Variants in PARD3 observed in about 807,000 individuals in gnomAD.
The protein encoded by PARD3 is partitioning defective 3 homolog.
A neutral mutation model predicts 155.4 loss-of-function variants in PARD3; 75 were observed. The ratio of observed to expected loss-of-function variants is 0.48; its 90% confidence interval spans 0.40 to 0.58. PARD3 has a LOEUF of 0.58. Ranked by LOEUF, PARD3 falls within the 20% of genes least tolerant of loss-of-function variation. The pLI, the probability that PARD3 is intolerant of heterozygous loss-of-function variation, is 0.00. For synonymous variants in PARD3, 576 were observed against 610.5 expected, an observed-to-expected ratio of 0.94 and a Z score of 0.83; for missense variants, 1,642 against 1,721.7, an observed-to-expected ratio of 0.95 and a Z score of 0.82.
At chr10:34,769,949 C>G (rs9418116) in intron 1 of PARD3, among the ~76,000 whole-genome samples, 43,433 of 151,890 alleles carry the variant, frequency 0.29, 6,532 homozygotes, top group East Asian at 0.54. Context: ...GTGGGGTTCC[C>G]CTTCTCTAGT....
At chr10:34,800,025 G>A (rs1359579048) in intron 1 of PARD3, among the ~76,000 whole-genome samples, 1 of 152,030 alleles carries the variant, frequency 6.6e-6, no homozygotes, top group African/African-American at 2.4e-5. Context: ...AGCTACTCGG[G>A]AGGCTGAGGC....
chr10:34,807,414 C>A (rs1272276124), intron 1 of PARD3, among the ~76,000 whole-genome samples: 1 of 152,186 alleles, frequency 6.6e-6, no homozygotes, highest in Non-Finnish European at 1.5e-5. Context: ...TAAACTCCAT[C>A]CATTGAAAGT....
chr10:34,537,612 C>T (rs2083312003), intron 2 of PARD3, among the ~76,000 whole-genome samples: 1 of 152,112 alleles, frequency 6.6e-6, no homozygotes, highest in African/African-American at 2.4e-5. Flanking sequence ...CTTAATGCCC[C>T]AAGAACTGGA....
intron 19 of PARD3, among the ~76,000 whole-genome samples, chr10:34,327,592 T>C (rs539696894): frequency 1.2e-4 from 19 of 152,162 alleles, no homozygotes; most frequent in Non-Finnish European, 2.5e-4. Flanking sequence ...CACATGATGA[T>C]AGAAATCAGA....
intron 20 of PARD3, among the ~76,000 whole-genome samples, chr10:34,302,835 G>A (rs1957216194): frequency 6.6e-6 from 1 of 152,034 alleles, no homozygotes; most frequent in Admixed American, 6.6e-5. Context: ...GTCTGCGCTA[G>A]GCCCATTTGT....
chr10:34,509,250 C>A (rs1158247485), intron 3 of PARD3, among the ~76,000 whole-genome samples: 1 of 152,058 alleles, frequency 6.6e-6, no homozygotes, highest in East Asian at 1.9e-4. Flanking sequence ...TGGGAGCATG[C>A]AAAGACCTTC....
intron 2 of PARD3, among the ~76,000 whole-genome samples, chr10:34,612,917 G>A (rs940372072): frequency 1.3e-5 from 2 of 152,150 alleles, no homozygotes; most frequent in African/African-American, 2.4e-5. Flanking sequence ...AATAATGCTA[G>A]TTACTGTTTC....
intron 2 of PARD3, among the ~76,000 whole-genome samples, chr10:34,552,975 G>A (rs546081184): frequency 2.6e-5 from 4 of 152,124 alleles, no homozygotes; most frequent in Non-Finnish European, 5.9e-5. Context: ...AAGTGACTTC[G>A]TCCTTAGATG....
intron 1 of PARD3, among the ~76,000 whole-genome samples, chr10:34,792,084 T>C (rs1438054337): frequency 6.6e-6 from 1 of 152,098 alleles, no homozygotes; most frequent in Non-Finnish European, 1.5e-5. Flanking sequence ...CTTGCTCAGA[T>C]ATGCGCCCTG....
chr10:34,151,662 TA>T (rs1047496325), intron 22 of PARD3, among the ~76,000 whole-genome samples: 36 of 152,106 alleles, frequency 2.4e-4, no homozygotes, highest in African/African-American at 8.7e-4. Flanking sequence ...AGCTTCAATT[TA>T]AAAAAATACA....
At chr10:34,537,309 T>C (rs952875070) in intron 2 of PARD3, among the ~76,000 whole-genome samples, 1 of 152,260 alleles carries the variant, frequency 6.6e-6, no homozygotes, top group Non-Finnish European at 1.5e-5. Flanking sequence ...TTCTAACTTT[T>C]TGATTCCTTC....
At chr10:34,329,804 T>C (rs2134220531) in intron 19 of PARD3, among the ~76,000 whole-genome samples, 1 of 152,296 alleles carries the variant, frequency 6.6e-6, no homozygotes, top group East Asian at 1.9e-4. Flanking sequence ...AGTGTAGCAA[T>C]CCTCTAAGTT....
chr10:34,749,660 T>C (rs1835742708), intron 1 of PARD3, among the ~76,000 whole-genome samples: 1 of 152,134 alleles, frequency 6.6e-6, no homozygotes, highest in Non-Finnish European at 1.5e-5. Flanking sequence ...TTAATATGTA[T>C]TGCCGGATAT....
chr10:34,525,513 C>T (rs1457371702), intron 2 of PARD3, among the ~76,000 whole-genome samples: 1 of 152,216 alleles, frequency 6.6e-6, no homozygotes, highest in East Asian at 1.9e-4. Context: ...AGCCTTGCCA[C>T]TCTGCCAACC....
At chr10:34,285,566 A>T (rs1956345289) in intron 20 of PARD3, among the ~76,000 whole-genome samples, 1 of 151,166 alleles carries the variant, frequency 6.6e-6, no homozygotes, top group Admixed American at 6.6e-5. Flanking sequence ...AAAGAGGGAG[A>T]CCTTATTTCA....
At chr10:34,813,746 A>C (rs889244770) in intron 1 of PARD3, among the ~76,000 whole-genome samples, 1 of 152,222 alleles carries the variant, frequency 6.6e-6, no homozygotes, top group Non-Finnish European at 1.5e-5. Context: ...GGGCTGACCA[A>C]GCCACTTTCC....
At chr10:34,800,631 A>G (rs1227510898) in intron 1 of PARD3, among the ~76,000 whole-genome samples, 12 of 152,082 alleles carry the variant, frequency 7.9e-5, no homozygotes, top group Admixed American at 7.9e-4. Context: ...AAAATAAAAA[A>G]TAATAATGGT....
chr10:34,403,647 TTTGA>T (rs1366627146), intron 5 of PARD3, among the ~76,000 whole-genome samples: 2 of 152,314 alleles, frequency 1.3e-5, no homozygotes, highest in Non-Finnish European at 2.9e-5. Flanking sequence ...AGCCAGGCTA[TTTGA>T]TTGATGATGC....
At chr10:34,573,573 G>A (rs985427337) in intron 2 of PARD3, among the ~76,000 whole-genome samples, 2 of 151,992 alleles carry the variant, frequency 1.3e-5, no homozygotes, top group African/African-American at 2.4e-5. Context: ...CAGGCCTGGC[G>A]GCAGGCACCT....
Sources: gnomAD v4.1 joint callset for allele counts (sites outside exome capture counted in the v4.1 genomes callset) on GRCh38, gnomAD v4.1.1 for gene constraint, MANE v1.5 for transcripts, NCBI Gene and HGNC (gene_info 2026-07-23, HGNC 2026-07-21) for gene names.